IL1RAPL2: variants seen among roughly 807,000 people sequenced by gnomAD.
IL1RAPL2 encodes the protein interleukin 1 receptor accessory protein like 2.
Under a neutral mutation model 44.1 loss-of-function variants are expected in IL1RAPL2, and 3 were observed. The observed-to-expected ratio is 0.07, with a 90% CI of 0.03 to 0.18. The LOEUF is 0.18. IL1RAPL2 is among the 10% of genes least tolerant of loss of function. The probability of loss-of-function intolerance (pLI) is 1.00; values close to 1 mark genes in which losing one functional copy is unlikely to be tolerated. For synonymous variants in IL1RAPL2, 181 were observed against 178.8 expected, an observed-to-expected ratio of 1.01 and a Z score of -0.10; for missense variants, 391 against 496.4, an observed-to-expected ratio of 0.79 and a Z score of 2.02.
chrX:104,658,879 T>G lies in IL1RAPL2; in HGVS notation c.-19-16T>G. ...TCTGTGGTTCAAACTTTATATCCTT[T>G]TTTTTGACTTTTCAGCTGTCAAGAA... On this transcript the variant is annotated splice_polypyrimidine_tract_variant and intron_variant, in intron 1 of 10. Transcript: ENST00000372582. The G allele has an allele frequency of 9.1e-7, 1 of 1,096,691 alleles. No individual in the cohort carries two copies. The highest frequency in any genetic ancestry group is 1.3e-6 in the Non-Finnish European group (1 of 794,077). 90.4% of individuals were successfully genotyped at this position (1,096,691 alleles called of 1,213,427 possible).
chrX:105,533,155 A>C (rs1260965925), intron 6 of IL1RAPL2, among the ~76,000 whole-genome samples: 1 of 111,342 alleles, frequency 9.0e-6, no homozygotes, highest in Admixed American at 9.6e-5. Flanking sequence ...ATGCCACTGC[A>C]CTCCAGCCTG....
At chrX:105,234,155 C>T (rs2034098556) in intron 4 of IL1RAPL2, 151 bp downstream of exon 4, 5 of 422,947 alleles carry the variant, frequency 1.2e-5, no homozygotes, top group Admixed American at 4.7e-5. Flanking sequence ...AGAGCTGTGA[C>T]TCTTATGTAT....
intron 3 of IL1RAPL2, among the ~76,000 whole-genome samples, chrX:105,226,250 T>C (rs144273386): frequency 1.8e-5 from 2 of 110,649 alleles, no homozygotes; most frequent in East Asian, 5.7e-4. Context: ...GCTACTGTCA[T>C]TGCTCCAATT....
intron 6 of IL1RAPL2, among the ~76,000 whole-genome samples, chrX:105,543,541 C>A (rs2036762560): frequency 1.8e-5 from 2 of 111,829 alleles, no homozygotes; most frequent in South Asian, 7.4e-4. Flanking sequence ...TTTCACATAA[C>A]CTGGAGGGCT....
intron 2 of IL1RAPL2, among the ~76,000 whole-genome samples, chrX:105,168,710 G>T (rs2033394681): frequency 9.1e-6 from 1 of 109,789 alleles, no homozygotes; most frequent in South Asian, 3.9e-4. Flanking sequence ...CAGCCCTAAA[G>T]CAATCAGACA....
At chrX:104,824,619 G>T (rs1026756121) in intron 2 of IL1RAPL2, among the ~76,000 whole-genome samples, 2 of 111,674 alleles carry the variant, frequency 1.8e-5, no homozygotes, top group African/African-American at 6.5e-5. Flanking sequence ...TCTTGGGAGG[G>T]TGTATGTTTC....
chrX:105,451,323 C>T (rs1031873714), intron 5 of IL1RAPL2, among the ~76,000 whole-genome samples: 3 of 111,337 alleles, frequency 2.7e-5, no homozygotes, highest in Non-Finnish European at 5.7e-5. Flanking sequence ...TTCTAATGGC[C>T]TGCTTAGACT....
intron 2 of IL1RAPL2, among the ~76,000 whole-genome samples, chrX:105,035,672 T>C (rs1298026923): frequency 8.9e-6 from 1 of 112,399 alleles, no homozygotes. Context: ...TAATCCAAAG[T>C]GTTTTTGCAT....
chrX:104,601,727 A>G (rs1928886803), intron 1 of IL1RAPL2, among the ~76,000 whole-genome samples: 1 of 112,123 alleles, frequency 8.9e-6, no homozygotes, highest in Non-Finnish European at 1.9e-5. Context: ...ATTAAGCCAC[A>G]TTATGAAAAA....
At chrX:105,399,629 A>G (rs764866425) in intron 5 of IL1RAPL2, among the ~76,000 whole-genome samples, 1 of 111,630 alleles carries the variant, frequency 9.0e-6, no homozygotes, top group South Asian at 3.7e-4. Context: ...GAATGAATGT[A>G]TGATGCTCCA....
chrX:105,712,237 C>T (rs1306750361), intron 6 of IL1RAPL2, among the ~76,000 whole-genome samples: 1 of 111,877 alleles, frequency 8.9e-6, no homozygotes, highest in Non-Finnish European at 1.9e-5. Flanking sequence ...TTTTGCAAGC[C>T]TGCAGACTTA....
chrX:105,417,835 C>T (rs2147744054), intron 5 of IL1RAPL2, among the ~76,000 whole-genome samples: 1 of 111,876 alleles, frequency 8.9e-6, no homozygotes, highest in South Asian at 3.8e-4. Flanking sequence ...CCTCTACTTC[C>T]CAATGTACCC....
intron 2 of IL1RAPL2, among the ~76,000 whole-genome samples, chrX:104,900,691 T>C (rs768984931): frequency 8.9e-6 from 1 of 112,090 alleles, no homozygotes; most frequent in East Asian, 2.8e-4. Context: ...GATGGCAACA[T>C]TGCAAGAAGA....
chrX:105,043,061 C>T (rs1487407137), intron 2 of IL1RAPL2, among the ~76,000 whole-genome samples: 1 of 77,822 alleles, frequency 1.3e-5, no homozygotes, highest in Non-Finnish European at 2.3e-5. Context: ...GGGAACATCA[C>T]ACTCTGGGGA....
chrX:105,701,240 G>C (rs1308514159), intron 6 of IL1RAPL2, among the ~76,000 whole-genome samples: 1 of 111,194 alleles, frequency 9.0e-6, no homozygotes, highest in South Asian at 3.9e-4. Flanking sequence ...GAAGGGTATG[G>C]AGATGTAAGA....
intron 5 of IL1RAPL2, among the ~76,000 whole-genome samples, chrX:105,309,657 G>C (rs1244617625): frequency 9.2e-6 from 1 of 109,281 alleles, no homozygotes; most frequent in African/African-American, 3.3e-5. Flanking sequence ...GCTTGAGCCT[G>C]GGAGGTGGAT....
chrX:105,526,605 A>T (rs1469509486), intron 6 of IL1RAPL2, among the ~76,000 whole-genome samples: 1 of 111,612 alleles, frequency 9.0e-6, no homozygotes, highest in Non-Finnish European at 1.9e-5. Context: ...GTTGGTGGTT[A>T]TTGACAGGAC....
chrX:105,287,228 T>A (rs1456861958), intron 5 of IL1RAPL2, among the ~76,000 whole-genome samples: 1 of 111,533 alleles, frequency 9.0e-6, no homozygotes, highest in Non-Finnish European at 1.9e-5. Context: ...AGCAGAGATA[T>A]AAAGAGTAAG....
intron 6 of IL1RAPL2, among the ~76,000 whole-genome samples, chrX:105,630,767 A>T (rs1160511276): frequency 9.0e-6 from 1 of 110,698 alleles, no homozygotes; most frequent in Non-Finnish European, 1.9e-5. Flanking sequence ...TAAATCACCT[A>T]AAAAAAAGAA....
Sources: gnomAD v4.1 joint callset for allele counts (sites outside exome capture counted in the v4.1 genomes callset) on GRCh38, gnomAD v4.1.1 for gene constraint, MANE v1.5 for transcripts, NCBI Gene and HGNC (gene_info 2026-07-23, HGNC 2026-07-21) for gene names.